Variants in LVRN observed in about 807,000 individuals in gnomAD.
LVRN encodes aminopeptidase Q.
In LVRN, 99 loss-of-function variants were observed where a neutral mutation model predicts 111.4. The ratio of observed to expected loss-of-function variants is 0.89; its 90% confidence interval spans 0.76 to 1.05. The LOEUF is 1.05. LVRN is among the 50% of genes least tolerant of loss of function. LVRN has a pLI of 0.00. For missense variants in LVRN, 1,414 were observed against 1,206.8 expected (o/e 1.17, Z -2.54); for synonymous variants, 488 against 449.5 (o/e 1.09, Z -1.08).
chr5:116,015,805 T>C (rs1748593142), intron 18 of LVRN, 40 bp downstream of exon 18: 1 of 1,604,648 alleles, frequency 6.2e-7, no homozygotes, highest in Admixed American at 1.7e-5. Flanking sequence ...TTTAGGCCAC[T>C]GGTTTGGCAC....
chr5:116,008,233 A>G (rs550572305), intron 13 of LVRN, among the ~76,000 whole-genome samples: 3 of 152,074 alleles, frequency 2.0e-5, no homozygotes, highest in Non-Finnish European at 2.9e-5. Context: ...AATCCCAGCT[A>G]CTCGGGAGGC....
Position 115,962,849 on chromosome 5 carries a change from C to G in LVRN, c.232C>G (p.Leu78Val). Residue 78 changes from leucine to valine, a missense_variant, in exon 1 of 20, where the codon CTA becomes GTA. Physicochemically the swap from Leu to Val is conservative, Grantham distance 32. Transcript: ENST00000357872. ...PTPKPSSARE[L>V]AVTTTPSNWR... The stretch of plus-strand genomic sequence containing the variant: ...CCCGAAACCCAGCAGTGCACGCGAG[C>G]TAGCGGTGACGACCACCCCGAGCAA... 3 of 1,613,150 alleles carry G rather than the reference C, an allele frequency of 1.9e-6. No homozygotes were observed. The highest frequency in any genetic ancestry group is 2.5e-6 in the Non-Finnish European group (3 of 1,179,802).
rs1273055900 is a variant in LVRN at position 116,012,363 on chromosome 5, A to G, written c.2248-11A>G. 1.4e-5 allele frequency: 19 copies of G among 1,368,758 alleles called. No homozygotes were observed. The highest frequency in any genetic ancestry group is 1.9e-5 in the Non-Finnish European group (19 of 975,646). The allele number at this position is 1,368,758 out of a possible 1,614,324, so 84.8% of individuals were successfully genotyped here. A position where few individuals can be genotyped will look rare whatever the true frequency, so the allele number is the denominator to read the frequency against. The stretch of plus-strand genomic sequence containing the variant: ...CCAGAACTAACAGTGTATTTTCTTT[A>G]TTGTTTATAGAGGTACCTATTAAAG... On this transcript the variant is annotated splice_polypyrimidine_tract_variant and intron_variant, in intron 14 of 19. Coordinates refer to ENST00000357872, the MANE Select transcript of LVRN (RefSeq NM_173800.5).
chr5:115,974,318 T>A (rs768033765), intron 1 of LVRN, among the ~76,000 whole-genome samples: 9 of 152,212 alleles, frequency 5.9e-5, no homozygotes, highest in Admixed American at 5.2e-4. Context: ...ACTCTGAAGG[T>A]ACATTCACTA....
chr5:116,017,273 GAGA>G (rs1748621533), intron 18 of LVRN, among the ~76,000 whole-genome samples: 1 of 152,236 alleles, frequency 6.6e-6, no homozygotes. Flanking sequence ...GAGGCTCAGA[GAGA>G]AGGACAGGGG....
At chr5:116,017,383 C>T (rs150134307) in intron 18 of LVRN, among the ~76,000 whole-genome samples, 2,997 of 152,324 alleles carry the variant, frequency 0.02, 77 homozygotes, top group Admixed American at 0.069. Context: ...GAAGCACACA[C>T]AGGCTGTCCT....
intron 19 of LVRN, among the ~76,000 whole-genome samples, chr5:116,024,549 C>T (rs1052044677): frequency 1.3e-5 from 2 of 152,190 alleles, no homozygotes; most frequent in African/African-American, 4.8e-5. Flanking sequence ...AAGAAAAGCA[C>T]ATTACACCCA....
intron 4 of LVRN, among the ~76,000 whole-genome samples, chr5:115,991,333 G>A (rs1036619795): frequency 1.3e-5 from 2 of 152,088 alleles, no homozygotes; most frequent in East Asian, 1.9e-4. Context: ...CTTTCACTTA[G>A]CAACATGCAC....
At chr5:115,973,261 T>C (rs1267866504) in intron 1 of LVRN, among the ~76,000 whole-genome samples, 1 of 152,202 alleles carries the variant, frequency 6.6e-6, no homozygotes, top group Non-Finnish European at 1.5e-5. Flanking sequence ...ATTCCAGTTG[T>C]TCTTGATGCA....
At chr5:115,977,584 A>C (rs1257930657) in intron 1 of LVRN, among the ~76,000 whole-genome samples, 1 of 152,176 alleles carries the variant, frequency 6.6e-6, no homozygotes, top group Non-Finnish European at 1.5e-5. Flanking sequence ...GTTAATCTCT[A>C]GTCGTCTTCA....
At chr5:116,021,866 T>C (rs2112647741) in intron 18 of LVRN, 1 of 345,528 alleles carries the variant, frequency 2.9e-6, no homozygotes, top group African/African-American at 2.2e-5. Flanking sequence ...CCACGCCTAT[T>C]GAAACAAGCA....
intron 18 of LVRN, chr5:116,021,055 C>T (rs879139208): frequency 6.6e-6 from 1 of 152,056 alleles, no homozygotes; most frequent in South Asian, 2.1e-4. Context: ...CAAAAATAAC[C>T]CCTGTTGAAG....
intron 14 of LVRN, 81 bp downstream of exon 14, chr5:116,010,975 G>C: frequency 9.9e-7 from 1 of 1,007,148 alleles, no homozygotes; most frequent in Non-Finnish European, 1.3e-6. Flanking sequence ...CTGTGAGACA[G>C]GTCTTTTCCA....
intron 13 of LVRN, among the ~76,000 whole-genome samples, chr5:116,009,979 G>A (rs1748452117): frequency 6.6e-6 from 1 of 152,164 alleles, no homozygotes; most frequent in Non-Finnish European, 1.5e-5. Context: ...AAACAGCATC[G>A]CATACTACAG....
intron 1 of LVRN, among the ~76,000 whole-genome samples, chr5:115,971,756 C>T (rs1456642276): frequency 1.3e-5 from 2 of 151,998 alleles, no homozygotes; most frequent in Non-Finnish European, 2.9e-5. Flanking sequence ...TGTTATTCAT[C>T]TACCAACTTT....
In LVRN at chr5:116,022,439, C is replaced by T. The variant is rs573951942; in HGVS notation, c.2805C>T (p.Thr935=). 3.1e-5 allele frequency: 49 copies of T among 1,558,768 alleles called. 1 individual carries two copies. The highest frequency in any genetic ancestry group is 2.2e-4 in the South Asian group (19 of 85,974). Residue 935 remains threonine (T), a synonymous_variant, in exon 19 of 20, where the codon ACC becomes ACT. Transcript: ENST00000357872. ...LINLIYTIGR[T]VTTDLQIVEL... Reference sequence around the variant, plus strand: ...ATCTAATATATACAATAGGGAGAACCGTAACTACAGATTTACAGATTGTGG... The same window carrying T: ...ATCTAATATATACAATAGGGAGAACTGTAACTACAGATTTACAGATTGTGG...
chr5:116,015,806 G>T (rs1209709024), intron 18 of LVRN, 41 bp downstream of exon 18: 1 of 1,602,140 alleles, frequency 6.2e-7, no homozygotes, highest in South Asian at 1.1e-5. Context: ...TTAGGCCACT[G>T]GTTTGGCACT....
rs997389531 is a variant in LVRN, at chr5:115,984,136, T to A, written c.839-434T>A. ...AGGCATTTGAGTTTGTGATTTCAGCTTTAAAGGCCCCAGATTGCTTCCACT... is the reference window on the plus strand; with the variant it reads ...AGGCATTTGAGTTTGTGATTTCAGCATTAAAGGCCCCAGATTGCTTCCACT... On this transcript the variant is annotated intron_variant, in intron 2 of 19. Transcript: ENST00000357872. 2.6e-5 allele frequency among the ~76,000 whole-genome samples: 4 copies of A among 152,226 alleles called. No individual in the cohort carries two copies. The South Asian group carries it at 8.3e-4, about 32-fold the overall frequency.
intron 16 of LVRN, 120 bp downstream of exon 16, chr5:116,014,647 C>G (rs934926554): frequency 9.4e-6 from 7 of 747,738 alleles, no homozygotes; most frequent in Non-Finnish European, 1.3e-5. Flanking sequence ...GCGCTCTCTC[C>G]TACTATTCTT....
Sources: allele counts gnomAD v4.1 joint callset (sites outside exome capture counted in the v4.1 genomes callset), GRCh38; gene constraint gnomAD v4.1.1; transcripts MANE v1.5; gene names NCBI Gene and HGNC (gene_info 2026-07-23, HGNC 2026-07-21).